FHIT: variants seen among roughly 807,000 people sequenced by gnomAD.
FHIT encodes the protein bis(5'-adenosyl)-triphosphatase.
A neutral mutation model predicts 17.9 loss-of-function variants in FHIT; 19 were observed. The ratio of observed to expected loss-of-function variants is 1.06; its 90% CI spans 0.74 to 1.56. FHIT has a LOEUF of 1.56. Among genes scored for constraint, FHIT ranks in the 40% most tolerant of loss-of-function variants. The probability of loss-of-function intolerance (pLI) is 0.00; values close to 1 mark genes in which losing one functional copy is unlikely to be tolerated. For missense variants in FHIT, 248 were observed against 189.2 expected, an observed-to-expected ratio of 1.31 and a Z score of -1.82; for synonymous variants, 81 against 69.7, an observed-to-expected ratio of 1.16 and a Z score of -0.81.
At chr3:60,777,868 A>G (rs1158706897) in intron 4 of FHIT, among the ~76,000 whole-genome samples, 1 of 152,130 alleles carries the variant, frequency 6.6e-6, no homozygotes, top group Non-Finnish European at 1.5e-5. Flanking sequence ...AAAAAATCAG[A>G]GCTTAGTCCT....
In FHIT at chr3:60,262,744, G is replaced by A. The variant is rs114172502; in HGVS notation, c.104-248592C>T. ...AGCTAACTGACTGAAATTCCCTGACGGCAAAACAATCCCAGCTGTGAATCT... is the reference window on the plus strand; with the variant it reads ...AGCTAACTGACTGAAATTCCCTGACAGCAAAACAATCCCAGCTGTGAATCT... On this transcript the variant is annotated intron_variant, in intron 5 of 9. Transcript: ENST00000492590. 9.2e-4 allele frequency among the ~76,000 whole-genome samples: 140 copies of A among 151,692 alleles called. 2 individuals are homozygous for A. The highest frequency in any genetic ancestry group is 3.3e-3 in the African/African-American group (138 of 41,392).
At chr3:60,017,144 C>T (rs887446291) in intron 5 of FHIT, among the ~76,000 whole-genome samples, 8 of 152,114 alleles carry the variant, frequency 5.3e-5, no homozygotes, top group Non-Finnish European at 1.2e-4. Context: ...TAAAACTGTG[C>T]CCTGCATTCC....
At chr3:60,981,801 C>T (rs1233322048) in intron 3 of FHIT, among the ~76,000 whole-genome samples, 5 of 151,862 alleles carry the variant, frequency 3.3e-5, no homozygotes, top group Non-Finnish European at 7.4e-5. Flanking sequence ...TGGGGTCTTG[C>T]CATGTTACCC....
intron 5 of FHIT, among the ~76,000 whole-genome samples, chr3:60,113,702 T>G (rs1704787089): frequency 6.6e-6 from 1 of 151,482 alleles, no homozygotes; most frequent in African/African-American, 2.4e-5. Flanking sequence ...ACATGATCAA[T>G]GATAAATTTT....
intron 8 of FHIT, among the ~76,000 whole-genome samples, chr3:59,897,772 CT>C (rs11401556): frequency 8.3e-4 from 120 of 144,390 alleles, no homozygotes; most frequent in Non-Finnish European, 6.9e-4. Flanking sequence ...CTTTTTTTTT[CT>C]TTTTTTTTTT....
intron 5 of FHIT, among the ~76,000 whole-genome samples, chr3:60,493,746 CGA>C (rs2034167667): frequency 6.6e-6 from 1 of 151,978 alleles, no homozygotes; most frequent in Admixed American, 6.5e-5. Context: ...AATATTCAAA[CGA>C]GAGATACGAC....
At chr3:59,902,261 C>T (rs1177734239) in intron 8 of FHIT, among the ~76,000 whole-genome samples, 1 of 152,124 alleles carries the variant, frequency 6.6e-6, no homozygotes, top group Non-Finnish European at 1.5e-5. Context: ...TATCATCTCA[C>T]ACGTGTTAGG....
intron 1 of FHIT, among the ~76,000 whole-genome samples, chr3:61,204,815 C>A (rs1166152064): frequency 6.6e-6 from 1 of 151,870 alleles, no homozygotes; most frequent in African/African-American, 2.4e-5. Context: ...TATTTATATT[C>A]TTTTTTTAAA....
At chr3:60,481,484 A>C (rs1389515430) in intron 5 of FHIT, among the ~76,000 whole-genome samples, 2 of 152,246 alleles carry the variant, frequency 1.3e-5, no homozygotes, top group Non-Finnish European at 2.9e-5. Context: ...CTCTCAGCAG[A>C]AACTCTACAT....
chr3:61,101,185 T>G (rs1325038123), intron 2 of FHIT, among the ~76,000 whole-genome samples: 1 of 152,256 alleles, frequency 6.6e-6, no homozygotes, highest in African/African-American at 2.4e-5. Flanking sequence ...AGGGTTTTTA[T>G]GGTTTTAGGT....
At chr3:61,169,505 A>G (rs2037935307) in intron 2 of FHIT, among the ~76,000 whole-genome samples, 1 of 152,202 alleles carries the variant, frequency 6.6e-6, no homozygotes, top group Non-Finnish European at 1.5e-5. Context: ...AAGAATTCAG[A>G]TTTATTTCAA....
chr3:60,979,771 C>G (rs1390508554), intron 3 of FHIT, among the ~76,000 whole-genome samples: 4 of 152,206 alleles, frequency 2.6e-5, no homozygotes, highest in Non-Finnish European at 5.9e-5. Flanking sequence ...GTCCCAGGAT[C>G]TGCATTCCGC....
chr3:61,202,947 G>A (rs548922271), intron 1 of FHIT, among the ~76,000 whole-genome samples: 30 of 152,094 alleles, frequency 2.0e-4, no homozygotes, highest in African/African-American at 3.4e-4. Flanking sequence ...TTGGGAGGCC[G>A]AGGCAGGCAG....
At chr3:60,794,060 AT>A (rs1468318307) in intron 4 of FHIT, among the ~76,000 whole-genome samples, 1 of 152,148 alleles carries the variant, frequency 6.6e-6, no homozygotes, top group East Asian at 1.9e-4. Context: ...CAGAAAAAAA[AT>A]AAAAGTCCCC....
Position 60,964,499 on chromosome 3 carries a change from C to T in FHIT, c.-111+77548G>A, listed in dbSNP as rs555667668. ...TTTGATGTTAGCTGGTTATTTCGCCCATTAGTTGGTGCAGTTTCTTCCTAG... is the reference window on the plus strand; with the variant it reads ...TTTGATGTTAGCTGGTTATTTCGCCTATTAGTTGGTGCAGTTTCTTCCTAG... On this transcript the variant is annotated intron_variant, in intron 3 of 9. Transcript: ENST00000492590. Among the ~76,000 whole-genome samples the T allele has an allele frequency of 9.2e-5, 14 of 152,164 alleles. No individual in the cohort carries two copies. The South Asian group carries it at 2.9e-3, about 32-fold the overall frequency.
rs9876202 is a variant in FHIT, at chr3:59,909,358, C to T, written c.348+12988G>A. ...TACTTTTTATTTTTTTAGGTGGAGT[C>T]TGGCTCTGTCACCCAGGCTAGAATG... On this transcript the variant is annotated intron_variant, in intron 8 of 9. Transcript: ENST00000492590. 8.0e-3 allele frequency among the ~76,000 whole-genome samples: 1,219 copies of T among 152,038 alleles called. 22 individuals are homozygous for T. Among genetic ancestry groups the T allele is most frequent in the African/African-American group, 0.028 (1,155 of 41,466 alleles).
At chr3:59,837,057 G>C (rs77909653) in intron 8 of FHIT, among the ~76,000 whole-genome samples, 1 of 152,114 alleles carries the variant, frequency 6.6e-6, no homozygotes, top group East Asian at 1.9e-4. Flanking sequence ...AGAAAAAAAA[G>C]AGTTCAGTTT....
At chr3:60,234,904 G>A (rs941334100) in intron 5 of FHIT, among the ~76,000 whole-genome samples, 1 of 152,122 alleles carries the variant, frequency 6.6e-6, no homozygotes, top group Non-Finnish European at 1.5e-5. Context: ...TGATGGTTTA[G>A]TATCACATTC....
At chr3:60,259,083 G>A (rs1454525429) in intron 5 of FHIT, among the ~76,000 whole-genome samples, 2 of 151,716 alleles carry the variant, frequency 1.3e-5, no homozygotes, top group African/African-American at 2.4e-5. Context: ...ACCTTGATGT[G>A]GTTCCGAAAG....
Sources: gnomAD v4.1 joint callset for allele counts (sites outside exome capture counted in the v4.1 genomes callset) on GRCh38, gnomAD v4.1.1 for gene constraint, MANE v1.5 for transcripts, NCBI Gene and HGNC (gene_info 2026-07-23, HGNC 2026-07-21) for gene names.